Variants in SH3TC2 observed in about 807,000 individuals in gnomAD.
SH3TC2 encodes the protein SH3 domain and tetratricopeptide repeats 2.
A neutral mutation model predicts 124.5 loss-of-function variants in SH3TC2; 87 were observed. That is an observed-to-expected ratio of 0.70 (90% CI 0.59 to 0.84). SH3TC2 has a LOEUF of 0.84. Ranked by LOEUF, SH3TC2 falls within the 40% of genes least tolerant of loss-of-function variation. The pLI is 0.00. For synonymous variants in SH3TC2, 634 were observed against 628.5 expected, an observed-to-expected ratio of 1.01 and a Z score of -0.13; for missense variants, 1,536 against 1,566.4, an observed-to-expected ratio of 0.98 and a Z score of 0.33.
In SH3TC2 at chr5:148,988,701, A is replaced by G. The variant is rs1260619616; in HGVS notation, c.*16010T>C. Among the ~76,000 whole-genome samples the G allele has an allele frequency of 6.6e-6, 1 of 152,180 alleles. No individual in the cohort carries two copies. Among genetic ancestry groups the G allele is most frequent in the African/African-American group, 2.4e-5 (1 of 41,454 alleles). ...TTTGATGACTCCAGCTCTGGCCACT[A>G]TTGGACTGCAACAACAGTAGAGAAC... On this transcript the variant is annotated 3_prime_UTR_variant, in exon 17 of 17. Transcript: ENST00000515425.
Position 149,020,960 on chromosome 5 carries a change from A to G in SH3TC2, c.3053+5612T>C, listed in dbSNP as rs557267912. On this transcript the variant is annotated intron_variant, in intron 12 of 16. Transcript: ENST00000515425. ...TAGACCTAAAAGATATTTATAGACT[A>G]CACCAAACAACAACAGAATACACAT... Among the ~76,000 whole-genome samples the G allele has an allele frequency of 1.8e-4, 28 of 152,262 alleles. No individual in the cohort carries two copies. In the South Asian group the frequency reaches 5.2e-3, roughly 28 times the overall value.
chr5:148,990,575 C>A lies in SH3TC2; in HGVS notation c.*14136G>T, dbSNP rs1753405679. 6.6e-6 allele frequency among the ~76,000 whole-genome samples: 1 copy of A among 152,186 alleles called. No individual in the cohort carries two copies. Among genetic ancestry groups the A allele is most frequent in the African/African-American group, 2.4e-5 (1 of 41,452 alleles). ...AAATTCTGCCCCTGCTACTCACAAG[C>A]TATTGGACCTCAAACAAGTTACTGA... On this transcript the variant is annotated 3_prime_UTR_variant, in exon 17 of 17. Coordinates refer to ENST00000515425, the MANE Select transcript of SH3TC2 (RefSeq NM_024577.4).
chr5:149,052,280 G>A (rs1299382830), intron 1 of SH3TC2, 40 bp from the exon 2 acceptor site: 1 of 1,514,408 alleles, frequency 6.6e-7, no homozygotes. Flanking sequence ...AAGAGTGTAA[G>A]GAAGTTGAAA....
intron 3 of SH3TC2, chr5:149,047,582 T>C (rs772639318): frequency 4.9e-4 from 206 of 418,108 alleles, no homozygotes; most frequent in Non-Finnish European, 7.7e-4. Flanking sequence ...TCCCATTCTA[T>C]ATAGGTTAAG....
At chr5:149,028,766 C>G (rs1201276844) in intron 9 of SH3TC2, 48 bp from the exon 10 acceptor site, 2 of 1,594,830 alleles carry the variant, frequency 1.3e-6, no homozygotes, top group Non-Finnish European at 1.7e-6. Context: ...GGATGGGCCA[C>G]CATGCCCATG....
In SH3TC2 at chr5:148,990,083, G is replaced by A. The variant is rs886060118; in HGVS notation, c.*14628C>T. ...GCCAGTTTTCCCTGCTTTCTCTCAT[G>A]GGTGAACCATCCTGGGGAAACTGAG... On this transcript the variant is annotated 3_prime_UTR_variant, in exon 17 of 17. Transcript: ENST00000515425. Among the ~76,000 whole-genome samples, 2 of 152,014 alleles carry A rather than the reference G, an allele frequency of 1.3e-5. No individual in the cohort carries two copies. Among genetic ancestry groups the A allele is most frequent in the African/African-American group, 2.4e-5 (1 of 41,380 alleles).
At position 149,004,911 on chromosome 5, in the gene SH3TC2, G is replaced by A. The variant is rs748694034; in HGVS notation, c.3676-9C>T. The A allele has an allele frequency of 2.3e-5, 37 of 1,614,146 alleles. No individual in the cohort carries two copies. The highest frequency in any genetic ancestry group is 1.7e-4 in the Middle Eastern group (1 of 6,052). On this transcript the variant is annotated splice_polypyrimidine_tract_variant and intron_variant, in intron 16 of 16. Transcript: ENST00000515425. ...GTGGCATCATGGGCATCCTAACCCC[G>A]TGGTATGGGGGCAAAGAAGAGACAG...
At position 149,008,940 on chromosome 5, in the gene SH3TC2, T is replaced by G. The variant is rs370431870; in HGVS notation, c.3389A>C (p.Asn1130Thr). The change falls in exon 15 of 17, where the codon AAT becomes ACT. Residue 1130 changes from asparagine (N) to threonine (T), a missense_variant. Physicochemically the swap from Asn to Thr is moderately conservative, Grantham distance 65. Transcript: ENST00000515425. Reference protein sequence around the residue: ...KAVRTELRIFNKLTELQISLE... With the variant: ...KAVRTELRIFTKLTELQISLE... Reference sequence around the variant, plus strand: ...GCTAATCTGCAGCTCTGTCAGCTTATTGAAAATCCGGAGCTCAGTTCTCAC... The same window carrying G: ...GCTAATCTGCAGCTCTGTCAGCTTAGTGAAAATCCGGAGCTCAGTTCTCAC... The G allele has an allele frequency of 6.2e-7, 1 of 1,614,102 alleles. No individual in the cohort carries two copies. Among genetic ancestry groups the G allele is most frequent in the African/African-American group, 1.3e-5 (1 of 74,934 alleles).
At chr5:149,061,981 T>C (rs1173785627) in intron 1 of SH3TC2, among the ~76,000 whole-genome samples, 1 of 152,046 alleles carries the variant, frequency 6.6e-6, no homozygotes, top group African/African-American at 2.4e-5. Context: ...AATATGGTTG[T>C]TTTGGGTTCA....
intron 1 of SH3TC2, among the ~76,000 whole-genome samples, chr5:149,054,057 G>A (rs531372061): frequency 1.3e-5 from 2 of 152,056 alleles, no homozygotes; most frequent in Admixed American, 6.6e-5. Context: ...TGGATTGCTT[G>A]CAACAAAAAG....
rs774453230 is a variant in SH3TC2, at chr5:148,984,299, T to A, written c.*20412A>T. Among the ~76,000 whole-genome samples, 13 of 152,132 alleles carry A rather than the reference T, an allele frequency of 8.5e-5. No individual in the cohort carries two copies. Among genetic ancestry groups the A allele is most frequent in the Non-Finnish European group, 1.5e-4 (10 of 68,028 alleles). On this transcript the variant is annotated 3_prime_UTR_variant, in exon 17 of 17. Coordinates refer to ENST00000515425, the MANE Select transcript of SH3TC2 (RefSeq NM_024577.4). ...TTCACTTATTCTTTCTTCTGCTTAA[T>A]TGAACCTACTGTTGAAGCTTTCTAT...
Position 148,991,923 on chromosome 5 carries a change from T to A in SH3TC2, c.*12788A>T, listed in dbSNP as rs958807677. ...TGATGTCATGGTGGCTCAACTTTCC[T>A]GGTGTCTAAGGGGAGTGTCAGAGAG... On this transcript the variant is annotated 3_prime_UTR_variant, in exon 17 of 17. Coordinates refer to ENST00000515425, the MANE Select transcript of SH3TC2 (RefSeq NM_024577.4). Among the ~76,000 whole-genome samples, 1 of 152,206 alleles carries A rather than the reference T, an allele frequency of 6.6e-6. No homozygotes were observed. Among genetic ancestry groups the A allele is most frequent in the Admixed American group, 6.5e-5 (1 of 15,276 alleles).
chr5:148,997,259 C>T lies in SH3TC2; in HGVS notation c.*7452G>A, dbSNP rs761137746. Among the ~76,000 whole-genome samples the T allele has an allele frequency of 6.6e-5, 10 of 152,334 alleles. No homozygotes were observed. The highest frequency in any genetic ancestry group is 8.8e-5 in the Non-Finnish European group (6 of 68,038). On this transcript the variant is annotated 3_prime_UTR_variant, in exon 17 of 17. Transcript: ENST00000515425. ...TTCCTCAGATGTCCATAGTCTTCTA[C>T]GATTGGCTCTGGAGTCTCTTGCAAG... is the stretch of plus-strand genomic sequence containing the variant.
chr5:149,024,819 C>G (rs1364360875), intron 12 of SH3TC2, among the ~76,000 whole-genome samples: 1 of 152,176 alleles, frequency 6.6e-6, no homozygotes, highest in Non-Finnish European at 1.5e-5. Context: ...TAACTAAGGC[C>G]TCTGTGGTCC....
intron 2 of SH3TC2, among the ~76,000 whole-genome samples, chr5:149,050,132 C>T (rs1055489876): frequency 6.6e-6 from 1 of 152,156 alleles, no homozygotes; most frequent in Non-Finnish European, 1.5e-5. Context: ...CTCAAAAGAC[C>T]TGGACTTAAA....
chr5:149,062,272 C>T, intron 1 of SH3TC2: 1 of 509,762 alleles, frequency 2.0e-6, no homozygotes, highest in Non-Finnish European at 4.0e-6. Flanking sequence ...CAAGAGAACA[C>T]AGGGCCCTAC....
Position 149,001,270 on chromosome 5 carries a change from A to C in SH3TC2, c.*3441T>G, listed in dbSNP as rs1753593001. On this transcript the variant is annotated 3_prime_UTR_variant, in exon 17 of 17. Coordinates refer to ENST00000515425, the MANE Select transcript of SH3TC2 (RefSeq NM_024577.4). ...AAGGACAAAAGCAATATTGGATTTC[A>C]GAATGTTAATACTGTTGGACAGGGA... is the stretch of plus-strand genomic sequence containing the variant. 1 of 152,246 alleles carries C rather than the reference A, an allele frequency of 6.6e-6. No individual in the cohort carries two copies. Among genetic ancestry groups the C allele is most frequent in the Non-Finnish European group, 1.5e-5 (1 of 68,046 alleles). 9.4% of individuals were successfully genotyped at this position (152,246 alleles called of 1,614,324 possible).
At position 149,027,889 on chromosome 5, in the gene SH3TC2, C is replaced by G; in HGVS notation, c.1843G>C (p.Val615Leu). The change falls in exon 11 of 17, where the codon GTG becomes CTG. Residue 615 changes from valine (V) to leucine (L), a missense_variant. Val to Leu is a conservative substitution (Grantham distance 32). This residue lies in a region of SH3TC2 where 1,102 missense variants were observed against 1,098.6 expected (regional missense o/e 1.00). Coordinates refer to ENST00000515425, the MANE Select transcript of SH3TC2 (RefSeq NM_024577.4). ...CCCTGGCGCAGCACGTAGGCCACCA[C>G]GTCGAGTTCATGCTTGGCACTAGAC... ...RESSAKHELDVVAYVLRQGIV... is the reference protein window; with the variant it reads ...RESSAKHELDLVAYVLRQGIV... 1.2e-6 allele frequency: 2 copies of G among 1,613,966 alleles called. No homozygotes were observed. Among genetic ancestry groups the G allele is most frequent in the East Asian group, 2.2e-5 (1 of 44,874 alleles).
Position 149,019,032 on chromosome 5 carries a change from T to C in SH3TC2, c.3054-6298A>G, listed in dbSNP as rs115047303. On this transcript the variant is annotated intron_variant, in intron 12 of 16. Transcript: ENST00000515425. ...GCTTTGAGCTTTGTGAGAATGCAAA[T>C]CCCTAGAGGGGAATTTAGTTGAAGA... 6.9e-3 allele frequency among the ~76,000 whole-genome samples: 1,054 copies of C among 152,294 alleles called. 14 individuals carry two copies. The highest frequency in any genetic ancestry group is 0.024 in the African/African-American group (999 of 41,548).
Sources: allele counts gnomAD v4.1 joint callset (sites outside exome capture counted in the v4.1 genomes callset), GRCh38; gene constraint gnomAD v4.1.1; regional missense constraint gnomAD v4.1.1; transcripts MANE v1.5; gene names NCBI Gene and HGNC (gene_info 2026-07-23, HGNC 2026-07-21).